DCAF15: variants seen among roughly 807,000 people sequenced by gnomAD.
DCAF15 encodes DDB1 and CUL4 associated factor 15, also known as DDB1- and CUL4-associated factor 15.
DCAF15 carries 24 observed loss-of-function variants against 68.0 expected under a neutral mutation model. That is an observed-to-expected ratio of 0.35 (90% CI 0.26 to 0.50). The LOEUF (loss-of-function observed/expected upper bound fraction) is 0.50. Among genes scored for constraint, DCAF15 ranks in the 20% least tolerant of loss-of-function variants. The pLI, the probability that DCAF15 is intolerant of heterozygous loss-of-function variation, is 0.98. For missense variants in DCAF15, 627 were observed against 830.6 expected, an observed-to-expected ratio of 0.75 and a Z score of 3.01; for synonymous variants, 376 against 341.6, an observed-to-expected ratio of 1.10 and a Z score of -1.11.
intron 5 of DCAF15, 38 bp downstream of exon 5, chr19:13,956,300 C>T (rs753857861): frequency 9.3e-6 from 15 of 1,609,730 alleles, no homozygotes; most frequent in Non-Finnish European, 1.3e-5. Context: ...CTTCCCCCCT[C>T]CCCCCCTTGC....
chr19:13,954,338 A>C lies in DCAF15; in HGVS notation c.133-2A>C. 6.2e-7 allele frequency: 1 copy of C among 1,612,766 alleles called. No homozygotes were observed. The highest frequency in any genetic ancestry group is 8.5e-7 in the Non-Finnish European group (1 of 1,179,804). On this transcript the variant is annotated splice_acceptor_variant, in intron 1 of 12. Coordinates refer to ENST00000254337, the MANE Select transcript of DCAF15 (RefSeq NM_138353.4). LOFTEE classifies it high-confidence loss of function. ...GAAGTGCCCTGGCCACCCCTTCCCC[A>C]GATCAGCGGACAGCTCTCCCCTCGC...
Position 13,960,045 on chromosome 19 carries a change from C to T in DCAF15, c.1502C>T (p.Ser501Phe). 2 of 1,613,812 alleles carry T rather than the reference C, an allele frequency of 1.2e-6. No individual in the cohort carries two copies. The highest frequency in any genetic ancestry group is 8.5e-7 in the Non-Finnish European group (1 of 1,180,000). The change falls in exon 10 of 13, where the codon TCC (serine) becomes TTC (phenylalanine). Residue 501 changes from serine to phenylalanine, a missense_variant. Ser to Phe is a radical substitution (Grantham distance 155). Around this residue, in one of 3 missense-constraint regions of DCAF15, gnomAD observed 118 missense variants for 211.8 expected, o/e 0.56. Coordinates refer to ENST00000254337, the MANE Select transcript of DCAF15 (RefSeq NM_138353.4). Reference sequence around the variant, plus strand: ...GGCCTGCTGCTCCTGGCCTTCCCGTCCCCCACTGAGGAGGGCCAGCTCCGG... The same window carrying T: ...GGCCTGCTGCTCCTGGCCTTCCCGTTCCCCACTGAGGAGGGCCAGCTCCGG... The part of the protein sequence containing the change: ...NIGLLLLAFP[S>F]PTEEGQLRPK...
In DCAF15 at chr19:13,952,547, G is replaced by A; in HGVS notation, c.35G>A (p.Gly12Glu). ...APSSKSERNS[G>E]AGSGGGGPGG... is the part of the protein sequence containing the mutation. ...AGCTCGAAATCGGAGCGGAACAGCGGGGCTGGGAGCGGCGGCGGCGGCCCC... is the reference window on the plus strand; with the variant it reads ...AGCTCGAAATCGGAGCGGAACAGCGAGGCTGGGAGCGGCGGCGGCGGCCCC... The change falls in exon 1 of 13, where the codon GGG becomes GAG. Residue 12 changes from glycine (G) to glutamate (E), a missense_variant. Gly to Glu is a moderately conservative substitution (Grantham distance 98). Around this residue, in one of 3 missense-constraint regions of DCAF15, gnomAD observed 273 missense variants for 393.7 expected, o/e 0.69. Coordinates refer to ENST00000254337, the MANE Select transcript of DCAF15 (RefSeq NM_138353.4). 4 of 1,264,910 alleles carry A rather than the reference G, an allele frequency of 3.2e-6. No individual in the cohort carries two copies. Among genetic ancestry groups the A allele is most frequent in the Non-Finnish European group, 4.0e-6 (4 of 1,000,088 alleles). 78.4% of individuals were successfully genotyped at this position (1,264,910 alleles called of 1,614,324 possible).
chr19:13,956,067 T>G (rs368180114), intron 4 of DCAF15, 49 bp downstream of exon 4: 55 of 1,611,296 alleles, frequency 3.4e-5, no homozygotes, highest in Non-Finnish European at 3.5e-5. Context: ...GCAGGGGGTG[T>G]GCAGTGGGGG....
intron 6 of DCAF15, among the ~76,000 whole-genome samples, chr19:13,958,725 ACTGTAGTGAACACTCTACG>A (rs1973464815): frequency 6.6e-6 from 1 of 152,106 alleles, no homozygotes; most frequent in Non-Finnish European, 1.5e-5. Context: ...GCTGGATGCT[ACTGTAGTGAACACTCTACG>A]CTGTAGAGTG....
intron 1 of DCAF15, 49 bp from the exon 2 acceptor site, chr19:13,954,291 C>T: frequency 6.5e-7 from 1 of 1,527,592 alleles, no homozygotes; most frequent in Admixed American, 1.7e-5. Flanking sequence ...GGTGAGGGGG[C>T]TGGGGGCTGC....
In DCAF15 at chr19:13,954,371, G is replaced by A; in HGVS notation, c.164G>A (p.Arg55Gln). The stretch of plus-strand genomic sequence containing the variant: ...GGACAGCTCTCCCCTCGCCTCTTCC[G>A]GAAGCTGCCTCCCCGGGTGTGCGTG... Reference protein sequence around the residue: ...ISGQLSPRLFRKLPPRVCVSL... With the variant: ...ISGQLSPRLFQKLPPRVCVSL... The change falls in exon 2 of 13, where the codon CGG becomes CAG. Residue 55 changes from arginine (R) to glutamine (Q), a missense_variant. By Grantham distance (43) the Arg-to-Gln change is conservative (BLOSUM62 1). Coordinates refer to ENST00000254337, the MANE Select transcript of DCAF15 (RefSeq NM_138353.4). The A allele has an allele frequency of 6.2e-7, 1 of 1,613,734 alleles. No homozygotes were observed. The highest frequency in any genetic ancestry group is 8.5e-7 in the Non-Finnish European group (1 of 1,179,998).
intron 1 of DCAF15, 51 bp from the exon 2 acceptor site, chr19:13,954,289 G>A (rs772461670): frequency 1.3e-6 from 2 of 1,520,868 alleles, no homozygotes; most frequent in Non-Finnish European, 1.8e-6. Flanking sequence ...TGGGTGAGGG[G>A]GCTGGGGGCT....
rs551663645 is a variant in DCAF15, at chr19:13,960,933, C to T, written c.1748-7C>T. Reference sequence around the variant, plus strand: ...GCTCTATGCTTTGTCTCCACCTGTCCCTGTAGGGTGCTCCCTGAAGGTTCT... The same window carrying T: ...GCTCTATGCTTTGTCTCCACCTGTCTCTGTAGGGTGCTCCCTGAAGGTTCT... On this transcript the variant is annotated splice_region_variant and splice_polypyrimidine_tract_variant and intron_variant, in intron 12 of 12. Transcript: ENST00000254337. 62 of 1,613,986 alleles carry T rather than the reference C, an allele frequency of 3.8e-5. No homozygotes were observed. The South Asian group carries it at 6.7e-4, about 17-fold the overall frequency.
Position 13,954,577 on chromosome 19 carries a change from C to T in DCAF15, c.282C>T (p.Thr94=), listed in dbSNP as rs1160926143. 8 of 1,614,206 alleles carry T rather than the reference C, an allele frequency of 5.0e-6. No homozygotes were observed. In the South Asian group the frequency reaches 7.7e-5, roughly 16 times the overall value. Residue 94 remains threonine, a synonymous_variant, in exon 3 of 13, where the codon ACC becomes ACT. Transcript: ENST00000254337. ...GCGGCCGCTACGTCCTCTCCTACAC[C>T]AGCAGCAGTGGGGATGACGACTTCT... The part of the protein sequence containing the change: ...SKCGRYVLSY[T]SSSGDDDFSF...
Position 13,955,987 on chromosome 19 carries a change from G to A in DCAF15, c.442G>A (p.Asp148Asn). 3 of 1,613,842 alleles carry A rather than the reference G, an allele frequency of 1.9e-6. No homozygotes were observed. The highest frequency in any genetic ancestry group is 2.5e-6 in the Non-Finnish European group (3 of 1,180,002). Residue 148 changes from aspartate (D) to asparagine (N), a missense_variant, in exon 4 of 13, where the codon GAC (aspartate) becomes AAC (asparagine). By Grantham distance (23) the Asp-to-Asn change is conservative. Coordinates refer to ENST00000254337, the MANE Select transcript of DCAF15 (RefSeq NM_138353.4). ...LYLTVCEWPS[D>N]ASKVIVFGFN... ...CCTGACCGTATGCGAGTGGCCCAGCGACGCCTCCAAGGTCATCGTCTTCGG... is the reference window on the plus strand; with the variant it reads ...CCTGACCGTATGCGAGTGGCCCAGCAACGCCTCCAAGGTCATCGTCTTCGG...
At chr19:13,959,918 G>GGGCCCAGGGCGGGCAGGGTA in intron 9 of DCAF15, 23 bp downstream of exon 9, 1 of 1,613,506 alleles carries the variant, frequency 6.2e-7, no homozygotes, top group Non-Finnish European at 8.5e-7. Context: ...CGGGCAGGGT[G>GGGCCCAGGGCGGGCAGGGTA]GGCCCAGGGC....
Position 13,956,340 on chromosome 19 carries a change from G to A in DCAF15, c.614-12G>A, listed in dbSNP as rs200793625. On this transcript the variant is annotated splice_polypyrimidine_tract_variant and intron_variant, in intron 5 of 12. Transcript: ENST00000254337. ...GGCCGAGAGTGAGCTGCTGTGGCGT[G>A]TGTTGCTACAGGAGACCCGAATGCA... The A allele has an allele frequency of 1.1e-4, 177 of 1,613,438 alleles. No homozygotes were observed. The African/African-American group carries it at 2.3e-3, about 21-fold the overall frequency.
At position 13,960,589 on chromosome 19, in the gene DCAF15, C is replaced by T. The variant is rs377349531; in HGVS notation, c.1747+9C>T. 8.9e-5 allele frequency: 140 copies of T among 1,568,772 alleles called. 2 individuals are homozygous for T. The South Asian group carries it at 1.5e-3, about 17-fold the overall frequency. ...TGAGGCGCTGCACAAAGGTGGGGCT[C>T]GGTGACCCCGTGATGGTCAGGGTCA... On this transcript the variant is annotated intron_variant, in intron 12 of 12. Coordinates refer to ENST00000254337, the MANE Select transcript of DCAF15 (RefSeq NM_138353.4).
chr19:13,953,071 C>T, intron 1 of DCAF15: 1 of 1,549,784 alleles, frequency 6.5e-7, no homozygotes, highest in Non-Finnish European at 8.7e-7. Context: ...CCTGATGTTC[C>T]TCTCCCTGCC....
chr19:13,960,614 AC>A (rs1670564959), intron 12 of DCAF15, 34 bp downstream of exon 12: 2 of 1,526,660 alleles, frequency 1.3e-6, no homozygotes, highest in Admixed American at 4.0e-5. Flanking sequence ...GGTCAGGGTC[AC>A]CAGGAACACT....
intron 8 of DCAF15, 46 bp from the exon 9 acceptor site, chr19:13,959,721 G>T: frequency 6.2e-7 from 1 of 1,612,330 alleles, no homozygotes; most frequent in South Asian, 1.1e-5. Context: ...GGGAGCTGCC[G>T]GGGGGCAGTT....
At chr19:13,957,294 C>T (rs1045018984) in intron 6 of DCAF15, among the ~76,000 whole-genome samples, 1 of 152,194 alleles carries the variant, frequency 6.6e-6, no homozygotes, top group Admixed American at 6.5e-5. Flanking sequence ...CTGGCAGCAA[C>T]AGGAGGGAGG....
chr19:13,954,458 A>C, intron 2 of DCAF15, 21 bp downstream of exon 2: 2 of 1,461,672 alleles, frequency 1.4e-6, no homozygotes, highest in Non-Finnish European at 1.9e-6. Context: ...GCCCAGGCAA[A>C]GGGGGCAGGT....
Sources: gnomAD v4.1 joint callset for allele counts (sites outside exome capture counted in the v4.1 genomes callset) on GRCh38, gnomAD v4.1.1 for gene constraint, gnomAD v4.1.1 regional missense constraint, MANE v1.5 for transcripts, NCBI Gene and HGNC (gene_info 2026-07-23, HGNC 2026-07-21) for gene names.